Variants in RBPMS observed in about 807,000 individuals in gnomAD.
The protein encoded by RBPMS is RNA binding protein, mRNA processing factor.
A neutral mutation model predicts 26.8 loss-of-function variants in RBPMS; 7 were observed. The ratio of observed to expected loss-of-function variants is 0.26; its 90% confidence interval spans 0.15 to 0.49. The LOEUF (loss-of-function observed/expected upper bound fraction) is 0.49. Ranked by LOEUF, RBPMS falls within the 20% of genes least tolerant of loss-of-function variation. The probability of loss-of-function intolerance (pLI) is 0.98; values close to 1 mark genes in which losing one functional copy is unlikely to be tolerated. For synonymous variants in RBPMS, 96 were observed against 93.3 expected (o/e 1.03, Z -0.17); for missense variants, 186 against 250.0 (o/e 0.74, Z 1.73).
At chr8:30,511,529 CTGTGTGTG>C (rs10596340) in intron 5 of RBPMS, among the ~76,000 whole-genome samples, 1 of 119,976 alleles carries the variant, frequency 8.3e-6, no homozygotes, top group African/African-American at 3.2e-5. Context: ...ATATATATTT[CTGTGTGTG>C]TGTGTGTGTG....
chr8:30,393,972 C>T (rs545111376), intron 1 of RBPMS, among the ~76,000 whole-genome samples: 10 of 106,002 alleles, frequency 9.4e-5, no homozygotes, highest in Admixed American at 5.4e-4. Context: ...ATTATGGTGA[C>T]GGTGCATATT....
At chr8:30,423,674 C>T (rs1218354099) in intron 1 of RBPMS, among the ~76,000 whole-genome samples, 1 of 151,874 alleles carries the variant, frequency 6.6e-6, no homozygotes. Context: ...GGGAGGACCT[C>T]CCGGAAATAG....
intron 1 of RBPMS, among the ~76,000 whole-genome samples, chr8:30,410,411 T>C (rs1383189832): frequency 6.6e-6 from 1 of 151,564 alleles, no homozygotes; most frequent in African/African-American, 2.4e-5. Flanking sequence ...GGTTTCACCA[T>C]GTTAGCCAGG....
At chr8:30,562,657 T>C (rs965698662) in intron 7 of RBPMS, among the ~76,000 whole-genome samples, 2 of 152,176 alleles carry the variant, frequency 1.3e-5, no homozygotes, top group Non-Finnish European at 2.9e-5. Flanking sequence ...TGAGCTAATA[T>C]AAACATTTTT....
At chr8:30,461,259 T>C (rs1815860249) in intron 1 of RBPMS, among the ~76,000 whole-genome samples, 1 of 152,200 alleles carries the variant, frequency 6.6e-6, no homozygotes, top group Admixed American at 6.5e-5. Context: ...AGGCCCCTTA[T>C]AAAAAGTGAC....
chr8:30,570,526 A>C (rs1262861120), intron 8 of RBPMS, 111 bp from the exon 9 acceptor site: 2 of 152,636 alleles, frequency 1.3e-5, no homozygotes, highest in East Asian at 3.9e-4. Context: ...ACATCCGCAC[A>C]CTGTCATCTA....
At chr8:30,524,569 C>T (rs1243497533) in intron 5 of RBPMS, among the ~76,000 whole-genome samples, 2 of 152,114 alleles carry the variant, frequency 1.3e-5, no homozygotes, top group African/African-American at 2.4e-5. Context: ...TATTACCCCT[C>T]TTCATTTTTT....
intron 4 of RBPMS, among the ~76,000 whole-genome samples, chr8:30,489,659 G>A (rs1289646830): frequency 6.6e-6 from 1 of 151,928 alleles, no homozygotes; most frequent in African/African-American, 2.4e-5. Context: ...TGGTCAGGCT[G>A]GTCTGGAACT....
At chr8:30,518,686 A>ATTTTTTTTTTTTTT (rs1563402271) in intron 5 of RBPMS, among the ~76,000 whole-genome samples, 1 of 8,108 alleles carries the variant, frequency 1.2e-4, no homozygotes, top group African/African-American at 3.2e-4. Flanking sequence ...GCCAAGCATG[A>ATTTTTTTTTTTTTT]CTTTTTTTTT....
At chr8:30,505,736 GTA>G (rs1442591168) in intron 5 of RBPMS, among the ~76,000 whole-genome samples, 1 of 151,974 alleles carries the variant, frequency 6.6e-6, no homozygotes, top group Non-Finnish European at 1.5e-5. Context: ...TTTGTATATT[GTA>G]TATATTTAAT....
At chr8:30,460,819 G>A (rs1815795132) in intron 1 of RBPMS, among the ~76,000 whole-genome samples, 1 of 152,154 alleles carries the variant, frequency 6.6e-6, no homozygotes. Context: ...CACTTTGGGA[G>A]GCTGAGGTGG....
chr8:30,506,213 C>CT (rs1012418094), intron 5 of RBPMS, among the ~76,000 whole-genome samples: 2 of 151,912 alleles, frequency 1.3e-5, no homozygotes, highest in African/African-American at 2.4e-5. Flanking sequence ...GCTTAGAACT[C>CT]TTTTCTGGCA....
intron 1 of RBPMS, among the ~76,000 whole-genome samples, chr8:30,415,743 T>C (rs185886184): frequency 6.6e-6 from 1 of 152,264 alleles, no homozygotes; most frequent in Non-Finnish European, 1.5e-5. Flanking sequence ...GTTAGGGCAG[T>C]GTGTGTACAC....
rs546234690 is a variant in RBPMS, at chr8:30,561,989, T to G, written c.*7+3033T>G. ...AGAAGGACGAACAATTGCCCTCCTT[T>G]GGAAGTACGGCTAATAGAAGCCCTA... is the stretch of plus-strand genomic sequence containing the variant. On this transcript the variant is annotated intron_variant, in intron 7 of 8. Coordinates refer to ENST00000397323, the MANE Select transcript of RBPMS (RefSeq NM_001008710.3). The G allele has an allele frequency of 4.1e-6, 4 of 985,388 alleles. No individual in the cohort carries two copies. The South Asian group carries it at 1.4e-4, about 35-fold the overall frequency. 61.0% of individuals were successfully genotyped at this position (985,388 alleles called of 1,614,324 possible).
chr8:30,504,921 C>G lies in RBPMS; in HGVS notation c.397+485C>G, dbSNP rs539882986. ...CTCTAGGGGGAAAAGTAAACACATACAAAGAATGTATATATTGGAACTGTC... is the reference window on the plus strand; with the variant it reads ...CTCTAGGGGGAAAAGTAAACACATAGAAAGAATGTATATATTGGAACTGTC... On this transcript the variant is annotated intron_variant, in intron 5 of 8. Transcript: ENST00000397323. 2.0e-5 allele frequency among the ~76,000 whole-genome samples: 3 copies of G among 152,190 alleles called. No homozygotes were observed. In the South Asian group the frequency reaches 6.2e-4, roughly 32 times the overall value.
chr8:30,408,310 C>T (rs1337149710), intron 1 of RBPMS, among the ~76,000 whole-genome samples: 1 of 152,182 alleles, frequency 6.6e-6, no homozygotes, highest in Non-Finnish European at 1.5e-5. Flanking sequence ...AGGCGGATCA[C>T]CTGAGGCCAG....
chr8:30,461,248 T>C (rs1291208207), intron 1 of RBPMS, among the ~76,000 whole-genome samples: 1 of 152,180 alleles, frequency 6.6e-6, no homozygotes, highest in Non-Finnish European at 1.5e-5. Context: ...ATAATCTAAA[T>C]AGGCCCCTTA....
At chr8:30,532,351 C>T (rs1337594845) in intron 5 of RBPMS, among the ~76,000 whole-genome samples, 1 of 152,184 alleles carries the variant, frequency 6.6e-6, no homozygotes, top group Non-Finnish European at 1.5e-5. Context: ...GCAGAGACAA[C>T]ATTATTTATA....
intron 6 of RBPMS, among the ~76,000 whole-genome samples, chr8:30,545,935 A>T (rs552701526): frequency 6.6e-6 from 1 of 152,178 alleles, no homozygotes; most frequent in Non-Finnish European, 1.5e-5. Flanking sequence ...GGCACAGAAA[A>T]TAAAGGAGCC....
Sources: allele counts gnomAD v4.1 joint callset (sites outside exome capture counted in the v4.1 genomes callset), GRCh38; gene constraint gnomAD v4.1.1; transcripts MANE v1.5; gene names NCBI Gene and HGNC (gene_info 2026-07-23, HGNC 2026-07-21).